The following MNS1 variants were observed in gnomAD, a reference collection of about 807,000 sequenced individuals.
MNS1 encodes the protein meiosis-specific nuclear structural protein 1.
In MNS1, 63 loss-of-function variants were observed where a neutral mutation model predicts 72.0. That is an observed-to-expected ratio of 0.87 (90% CI 0.71 to 1.08). The LOEUF is 1.08. Ranked by LOEUF, MNS1 falls within the 50% of genes least tolerant of loss-of-function variation. The pLI is 0.00. For missense variants in MNS1, 604 were observed against 562.4 expected, an observed-to-expected ratio of 1.07 and a Z score of -0.75; for synonymous variants, 188 against 172.1, an observed-to-expected ratio of 1.09 and a Z score of -0.72.
At position 56,443,429 on chromosome 15, in the gene MNS1, C is replaced by A; in HGVS notation, c.1011+1G>T. 1 of 1,558,272 alleles carries A rather than the reference C, an allele frequency of 6.4e-7. No individual in the cohort carries two copies. Reference sequence around the variant, plus strand: ...TCATTCTTTCCATTTCTGAAACTTACTTTTAGCTTGCTCTTATATATTTCA... The same window carrying A: ...TCATTCTTTCCATTTCTGAAACTTAATTTTAGCTTGCTCTTATATATTTCA... On this transcript the variant is annotated splice_donor_variant, in intron 7 of 9. Coordinates refer to ENST00000260453, the MANE Select transcript of MNS1 (RefSeq NM_018365.4). LOFTEE classifies it high-confidence loss of function.
intron 3 of MNS1, among the ~76,000 whole-genome samples, chr15:56,449,789 G>A (rs1461605728): frequency 2.6e-5 from 4 of 152,108 alleles, no homozygotes; most frequent in Non-Finnish European, 5.9e-5. Flanking sequence ...TTGGTAAAAT[G>A]TGCTAAGAAT....
chr15:56,431,562 A>T, intron 8 of MNS1, 64 bp from the exon 9 acceptor site: 1 of 1,538,314 alleles, frequency 6.5e-7, no homozygotes, highest in South Asian at 1.2e-5. Flanking sequence ...GTTTTCAAAT[A>T]AAACTACTCA....
At chr15:56,464,761 T>G (rs947682490) in intron 1 of MNS1, among the ~76,000 whole-genome samples, 3 of 152,162 alleles carry the variant, frequency 2.0e-5, no homozygotes, top group Admixed American at 6.5e-5. Flanking sequence ...TAAAGATGTA[T>G]TTAATACACT....
At chr15:56,437,072 A>G (rs2050738290) in intron 7 of MNS1, among the ~76,000 whole-genome samples, 1 of 152,232 alleles carries the variant, frequency 6.6e-6, no homozygotes, top group Admixed American at 6.5e-5. Context: ...CAATCAATAG[A>G]AAAAGAGGGA....
chr15:56,451,096 A>T (rs1249612836), intron 3 of MNS1, among the ~76,000 whole-genome samples: 1 of 152,216 alleles, frequency 6.6e-6, no homozygotes, highest in Non-Finnish European at 1.5e-5. Flanking sequence ...TTGAATTGTA[A>T]GAGTTCTTTA....
intron 5 of MNS1, 32 bp downstream of exon 5, chr15:56,444,412 T>G: frequency 1.3e-6 from 2 of 1,564,690 alleles, no homozygotes; most frequent in Non-Finnish European, 1.7e-6. Flanking sequence ...AAGTAAACAT[T>G]TAGACATGTA....
intron 7 of MNS1, among the ~76,000 whole-genome samples, chr15:56,435,625 G>A (rs1189072790): frequency 6.6e-6 from 1 of 151,914 alleles, no homozygotes; most frequent in Non-Finnish European, 1.5e-5. Flanking sequence ...CACCAAATAT[G>A]AAATAAGGTA....
intron 5 of MNS1, 40 bp from the exon 6 acceptor site, chr15:56,443,894 A>G: frequency 7.2e-7 from 1 of 1,384,208 alleles, no homozygotes. Context: ...AGTAAACAAT[A>G]AAATATAAAA....
chr15:56,433,410 T>C (rs1251138682), intron 8 of MNS1, among the ~76,000 whole-genome samples: 2 of 9,946 alleles, frequency 2.0e-4, no homozygotes, highest in African/African-American at 7.8e-4. Context: ...ACATGCATCC[T>C]GGAACTTAAA....
rs759537721 is a variant in MNS1, at chr15:56,443,693, T to C, written c.848A>G (p.Asp283Gly). Residue 283 changes from aspartate (D) to glycine (G), a missense_variant, in exon 6 of 10, where the codon GAT becomes GGT. Asp to Gly is a moderately conservative substitution (Grantham distance 94). Transcript: ENST00000260453. The part of the protein sequence containing the change: ...FANMQQQREE[D>G]RMAKVQENEE... The stretch of plus-strand genomic sequence containing the variant: ...ATTTTCTTGAACTTTTGCCATCCGA[T>C]CTTCTTCTCTTTGCTGCTGCATGTT... The C allele has an allele frequency of 6.2e-7, 1 of 1,613,422 alleles. No homozygotes were observed. Among genetic ancestry groups the C allele is most frequent in the Admixed American group, 1.7e-5 (1 of 60,006 alleles).
rs1360662988 is a variant in MNS1, at chr15:56,435,466, A to G, written c.1012-1071T>C. On this transcript the variant is annotated intron_variant, in intron 7 of 9. Coordinates refer to ENST00000260453, the MANE Select transcript of MNS1 (RefSeq NM_018365.4). ...AAAATGAATGAATAAACAAATAACT[A>G]ATATCAGGAATAAAACATAGGATAT... Among the ~76,000 whole-genome samples the G allele has an allele frequency of 4.6e-5, 7 of 152,068 alleles. No individual in the cohort carries two copies. The East Asian group carries it at 1.3e-3, about 29-fold the overall frequency.
chr15:56,459,403 AATGCTGTTATAGACACTCGTGT>A (rs1355656647), intron 2 of MNS1, among the ~76,000 whole-genome samples: 2 of 152,180 alleles, frequency 1.3e-5, no homozygotes, highest in African/African-American at 4.8e-5. Context: ...TGTCATGAAT[AATGCTGTTATAGACACTCGTGT>A]ATGAGTTTTT....
In MNS1 at chr15:56,434,142, T is replaced by C. The variant is rs2050674098; in HGVS notation, c.1265A>G (p.Asp422Gly). The C allele has an allele frequency of 1.2e-6, 2 of 1,608,806 alleles. No homozygotes were observed. The highest frequency in any genetic ancestry group is 2.2e-5 in the East Asian group (1 of 44,738). ...AACCCCACAACTTTTTCTTACTTTG[T>C]CTGCAAGGAATTGTTGGCGACGCTC... ...IEERRQQFLADKQRELEEWQL... is the reference protein window; with the variant it reads ...IEERRQQFLAGKQRELEEWQL... The change falls in exon 8 of 10, where the codon GAC becomes GGC. Residue 422 changes from aspartate (D) to glycine (G), a missense_variant. Coordinates refer to ENST00000260453, the MANE Select transcript of MNS1 (RefSeq NM_018365.4).
rs759533580 is a variant in MNS1 at position 56,429,098 on chromosome 15, A to G, written c.*3T>C. On this transcript the variant is annotated 3_prime_UTR_variant, in exon 10 of 10. Coordinates refer to ENST00000260453, the MANE Select transcript of MNS1 (RefSeq NM_018365.4). Reference sequence around the variant, plus strand: ...ATCTATGCTTTACCCAATTTTGATGATATCATTTCTCTTCACAAATTTCAC... The same window carrying G: ...ATCTATGCTTTACCCAATTTTGATGGTATCATTTCTCTTCACAAATTTCAC... The G allele has an allele frequency of 5.1e-6, 8 of 1,566,184 alleles. No homozygotes were observed. Among genetic ancestry groups the G allele is most frequent in the Non-Finnish European group, 7.0e-6 (8 of 1,150,804 alleles).
At chr15:56,453,099 G>A (rs1461469440) in intron 3 of MNS1, among the ~76,000 whole-genome samples, 1 of 152,040 alleles carries the variant, frequency 6.6e-6, no homozygotes, top group African/African-American at 2.4e-5. Context: ...GTTTCCAGGT[G>A]AATAAATTTA....
chr15:56,440,005 C>A (rs2050792702), intron 7 of MNS1, among the ~76,000 whole-genome samples: 1 of 151,996 alleles, frequency 6.6e-6, no homozygotes, highest in Non-Finnish European at 1.5e-5. Flanking sequence ...TATTTGCTAA[C>A]CACCCACCTG....
intron 3 of MNS1, among the ~76,000 whole-genome samples, chr15:56,450,755 T>C (rs1256631773): frequency 1.3e-5 from 2 of 152,228 alleles, no homozygotes; most frequent in African/African-American, 2.4e-5. Context: ...TTGAATTTTT[T>C]GTATATTTAT....
intron 3 of MNS1, 49 bp from the exon 4 acceptor site, chr15:56,446,992 T>C (rs746258207): frequency 2.3e-6 from 3 of 1,315,680 alleles, no homozygotes; most frequent in African/African-American, 2.9e-5. Flanking sequence ...CATAAGAGAA[T>C]GAAAACCTCA....
chr15:56,459,544 T>A (rs1435030204), intron 2 of MNS1, among the ~76,000 whole-genome samples: 1 of 152,214 alleles, frequency 6.6e-6, no homozygotes, highest in Admixed American at 6.5e-5. Context: ...GGTGTTGTTT[T>A]AAGCAGCTAA....
Sources: gnomAD v4.1 joint callset for allele counts (sites outside exome capture counted in the v4.1 genomes callset) on GRCh38, gnomAD v4.1.1 for gene constraint, MANE v1.5 for transcripts, NCBI Gene and HGNC (gene_info 2026-07-23, HGNC 2026-07-21) for gene names.